STAU1: variants seen among roughly 807,000 people sequenced by gnomAD.
STAU1 encodes the protein double-stranded RNA-binding protein Staufen homolog 1.
A neutral mutation model predicts 62.9 loss-of-function variants in STAU1; 13 were observed. The ratio of observed to expected loss-of-function variants is 0.21; its 90% confidence interval spans 0.13 to 0.33. The LOEUF (loss-of-function observed/expected upper bound fraction) is 0.33. Ranked by LOEUF, STAU1 falls within the 10% of genes least tolerant of loss-of-function variation. STAU1 has a pLI of 1.00. For synonymous variants in STAU1, 269 were observed against 265.1 expected, an observed-to-expected ratio of 1.01 and a Z score of -0.14; for missense variants, 571 against 712.1, an observed-to-expected ratio of 0.80 and a Z score of 2.25.
At position 49,117,745 on chromosome 20, in the gene STAU1, C is replaced by A; in HGVS notation, c.1509+32G>T. On this transcript the variant is annotated intron_variant, in intron 11 of 13. Coordinates refer to ENST00000371856, the MANE Select transcript of STAU1 (RefSeq NM_017453.4). The surrounding 1 kb of genome is among the most constrained non-coding windows in gnomAD (Gnocchi z 4.6). ...AAGCCAAAAGATGACTGTCCTGAGG[C>A]ACAGCCATCACAGCTCAGGCCAGAC... is the stretch of plus-strand genomic sequence containing the variant. 6.4e-7 allele frequency: 1 copy of A among 1,564,824 alleles called. No homozygotes were observed. The highest frequency in any genetic ancestry group is 8.7e-7 in the Non-Finnish European group (1 of 1,155,322).
intron 5 of STAU1, among the ~76,000 whole-genome samples, chr20:49,149,265 C>CACACACAA (rs2093194161): frequency 1.3e-5 from 2 of 150,096 alleles, no homozygotes; most frequent in South Asian, 4.3e-4. Context: ...CACACACACA[C>CACACACAA]ACACACACAC....
At chr20:49,145,547 A>G (rs2093111192) in intron 5 of STAU1, among the ~76,000 whole-genome samples, 1 of 151,170 alleles carries the variant, frequency 6.6e-6, no homozygotes, top group East Asian at 2.0e-4. Context: ...CCTGGCCAAC[A>G]TGGTGAAACC....
intron 6 of STAU1, chr20:49,135,048 C>T (rs2092845630): frequency 6.9e-7 from 1 of 1,445,362 alleles, no homozygotes; most frequent in African/African-American, 1.4e-5. Context: ...TCTCCAGAGC[C>T]CTGGGCAGCA....
chr20:49,145,837 T>A (rs1265854467), intron 5 of STAU1, among the ~76,000 whole-genome samples: 1 of 151,156 alleles, frequency 6.6e-6, no homozygotes, highest in Non-Finnish European at 1.5e-5. Context: ...GGCCACAGGG[T>A]ACTATGATCA....
At chr20:49,115,949 G>GT (rs2092313025) in intron 12 of STAU1, 82 bp from the exon 13 acceptor site, 1 of 1,187,328 alleles carries the variant, frequency 8.4e-7, no homozygotes, top group Non-Finnish European at 1.2e-6. Flanking sequence ...AGGCAAGAGA[G>GT]TTCCTGCTGC....
chr20:49,197,137 AGAG>A, the STAU1 span, among the ~76,000 whole-genome samples: 1 of 146,826 alleles, frequency 6.8e-6, no homozygotes, highest in Non-Finnish European at 1.5e-5. Context: ...CCTGGGTGAC[AGAG>A]TGAGACTCTG....
At chr20:49,187,813 A>T (rs2093809297) in intron 1 of STAU1, among the ~76,000 whole-genome samples, 1 of 148,206 alleles carries the variant, frequency 6.7e-6, no homozygotes, top group Admixed American at 6.7e-5. Flanking sequence ...CCCGGGAATA[A>T]CTTCGGCATC....
intron 6 of STAU1, among the ~76,000 whole-genome samples, chr20:49,130,332 C>T (rs1183301865): frequency 6.6e-6 from 1 of 152,278 alleles, no homozygotes; most frequent in Middle Eastern, 3.4e-3. Context: ...TGCAAAGGGA[C>T]ACAGGGAACT....
At chr20:49,124,630 A>G in intron 6 of STAU1, 43 bp from the exon 7 acceptor site, 1 of 1,605,566 alleles carries the variant, frequency 6.2e-7, no homozygotes. Flanking sequence ...ACAGACACTT[A>G]TTAAAAGCTC....
At chr20:49,124,233 GCA>G in intron 7 of STAU1, 140 bp downstream of exon 7, 1 of 808,836 alleles carries the variant, frequency 1.2e-6, no homozygotes, top group Admixed American at 2.3e-5. Context: ...GGCTCTTGCA[GCA>G]CCTCTAAGGG....
At chr20:49,174,536 A>G (rs1161318935) in intron 1 of STAU1, among the ~76,000 whole-genome samples, 1 of 151,714 alleles carries the variant, frequency 6.6e-6, no homozygotes, top group African/African-American at 2.4e-5. Flanking sequence ...CCTGGCCAAC[A>G]TGATGAAACC....
At chr20:49,158,438 T>C in intron 3 of STAU1, 2 of 1,304,818 alleles carry the variant, frequency 1.5e-6, no homozygotes, top group Non-Finnish European at 1.0e-6. Context: ...GCAACTTGCC[T>C]TCATAGCTGA....
At chr20:49,131,123 T>C (rs922108323) in intron 6 of STAU1, among the ~76,000 whole-genome samples, 1 of 152,198 alleles carries the variant, frequency 6.6e-6, no homozygotes, top group Non-Finnish European at 1.5e-5. Context: ...AAGTAATCCA[T>C]CAGAAATACC....
At chr20:49,196,861 A>G in the STAU1 span, among the ~76,000 whole-genome samples, 8 of 151,732 alleles carry the variant, frequency 5.3e-5, no homozygotes, top group African/African-American at 1.9e-4. Context: ...AAAAGTTTAG[A>G]AATAACATCA....
the STAU1 span, among the ~76,000 whole-genome samples, chr20:49,219,137 T>G: frequency 6.6e-6 from 1 of 151,318 alleles, no homozygotes; most frequent in Non-Finnish European, 1.5e-5. Flanking sequence ...AATATACACA[T>G]CTAGAGTTTA....
At chr20:49,203,710 G>A in the STAU1 span, among the ~76,000 whole-genome samples, 1 of 151,896 alleles carries the variant, frequency 6.6e-6, no homozygotes, top group Non-Finnish European at 1.5e-5. Flanking sequence ...TTTTTGAGAC[G>A]GAGTCTCGCT....
At chr20:49,114,933 T>C in intron 13 of STAU1, 40 bp from the exon 14 acceptor site, 2 of 1,601,516 alleles carry the variant, frequency 1.2e-6, no homozygotes, top group Non-Finnish European at 1.7e-6. Flanking sequence ...AGTTTTGAAA[T>C]GTAAGAGAAT....
At chr20:49,171,113 C>CTATTATTATTATT (rs2093591322) in intron 2 of STAU1, among the ~76,000 whole-genome samples, 1 of 152,216 alleles carries the variant, frequency 6.6e-6, no homozygotes, top group African/African-American at 2.4e-5. Flanking sequence ...CGACATCTTT[C>CTATTATTATTATT]AGCAATCACA....
intron 1 of STAU1, among the ~76,000 whole-genome samples, chr20:49,183,320 G>A (rs1481816188): frequency 6.6e-6 from 1 of 152,168 alleles, no homozygotes; most frequent in Non-Finnish European, 1.5e-5. Context: ...TCCTCAAATT[G>A]AACAATTCTG....
Sources: gnomAD v4.1 joint callset for allele counts (sites outside exome capture counted in the v4.1 genomes callset) on GRCh38, gnomAD v4.1.1 for gene constraint, Gnocchi (gnomAD v3.1) non-coding constraint, MANE v1.5 for transcripts, NCBI Gene and HGNC (gene_info 2026-07-23, HGNC 2026-07-21) for gene names.